Variants in NELL1 observed in about 807,000 individuals in gnomAD.
NELL1 encodes the protein protein kinase C-binding protein NELL1.
A neutral mutation model predicts 107.4 loss-of-function variants in NELL1; 76 were observed. The ratio of observed to expected loss-of-function variants is 0.71; its 90% confidence interval spans 0.59 to 0.86. The LOEUF is 0.86. Among genes scored for constraint, NELL1 ranks in the 40% least tolerant of loss-of-function variants. The pLI, the probability that NELL1 is intolerant of heterozygous loss-of-function variation, is 0.00. For missense variants in NELL1, 1,024 were observed against 1,005.5 expected (o/e 1.02, Z -0.25); for synonymous variants, 353 against 341.2 (o/e 1.03, Z -0.38).
intron 15 of NELL1, among the ~76,000 whole-genome samples, chr11:21,503,748 A>G (rs1013949296): frequency 6.6e-6 from 1 of 152,150 alleles, no homozygotes; most frequent in South Asian, 2.1e-4. Flanking sequence ...CCTGCAAATA[A>G]TGGCTGCATC....
intron 2 of NELL1, among the ~76,000 whole-genome samples, chr11:20,726,608 A>T (rs12363634): frequency 0.12 from 18,239 of 151,620 alleles, 1,201 homozygotes; most frequent in Non-Finnish European, 0.15. Context: ...TTTATTTTTT[A>T]AATTATACTT....
chr11:20,674,585 G>A (rs977903675), intron 1 of NELL1: 81 of 1,454,384 alleles, frequency 5.6e-5, no homozygotes, highest in Non-Finnish European at 6.8e-5. Context: ...AGGTATTAAC[G>A]TTCCTATTTT....
chr11:21,294,160 A>T (rs1423268776), intron 14 of NELL1, among the ~76,000 whole-genome samples: 2 of 152,158 alleles, frequency 1.3e-5, no homozygotes, highest in East Asian at 3.9e-4. Flanking sequence ...GCTTAATCAG[A>T]GGCAACTGTT....
At chr11:21,233,483 G>A (rs1302284750) in intron 14 of NELL1, among the ~76,000 whole-genome samples, 1 of 151,294 alleles carries the variant, frequency 6.6e-6, no homozygotes, top group Non-Finnish European at 1.5e-5. Flanking sequence ...CTCACACATT[G>A]TATTCTAACT....
At chr11:21,133,282 A>G (rs1228255047) in intron 13 of NELL1, among the ~76,000 whole-genome samples, 2 of 152,156 alleles carry the variant, frequency 1.3e-5, no homozygotes, top group Non-Finnish European at 2.9e-5. Flanking sequence ...GAGGAAGTAC[A>G]TGCTGATAGG....
At chr11:20,820,194 G>A (rs1414391341) in intron 3 of NELL1, among the ~76,000 whole-genome samples, 3 of 152,136 alleles carry the variant, frequency 2.0e-5, no homozygotes, top group Non-Finnish European at 4.4e-5. Flanking sequence ...GAACAGTGAT[G>A]TTTTGAAAGC....
At chr11:21,489,750 T>A (rs1031655990) in intron 15 of NELL1, among the ~76,000 whole-genome samples, 3 of 152,138 alleles carry the variant, frequency 2.0e-5, no homozygotes, top group Admixed American at 1.3e-4. Context: ...GTAACATCCC[T>A]TTGTGATAAA....
chr11:20,990,332 T>G (rs1851945342), intron 12 of NELL1, among the ~76,000 whole-genome samples: 1 of 152,190 alleles, frequency 6.6e-6, no homozygotes, highest in South Asian at 2.1e-4. Flanking sequence ...CTCTTACTGC[T>G]GAAGTCTCCT....
At chr11:20,715,233 G>GA (rs1295570126) in intron 2 of NELL1, among the ~76,000 whole-genome samples, 59 of 148,114 alleles carry the variant, frequency 4.0e-4, no homozygotes, top group African/African-American at 1.1e-3. Flanking sequence ...GACAGAGTGA[G>GA]AAAAAAAAAA....
rs1207934738 is a variant in NELL1, at chr11:21,378,240, CTT to C, written c.1645+7296_1645+7297del. On this transcript the variant is annotated intron_variant, in intron 15 of 19. Coordinates refer to ENST00000357134, the MANE Select transcript of NELL1 (RefSeq NM_006157.5). ...GTCTAGATGTAGCATTTTAAAAAGT[CTT>C]TTTAAAAAATATGCATATATATGTA... is the stretch of plus-strand genomic sequence containing the variant. 2.2e-5 allele frequency among the ~76,000 whole-genome samples: 3 copies of C among 137,882 alleles called. No individual in the cohort carries two copies. The Admixed American group carries it at 2.3e-4, about 11-fold the overall frequency. 90.5% of individuals were successfully genotyped at this position (137,882 alleles called of 152,430 possible).
rs188941377 is a variant in NELL1 at position 21,523,243 on chromosome 11, G to C, written c.1646-11131G>C. On this transcript the variant is annotated intron_variant, in intron 15 of 19. Transcript: ENST00000357134. ...TTTCCCCATACTTCTAGTTTAACTT[G>C]TTTGTGCTTCTGTATCAAATACATC... Among the ~76,000 whole-genome samples the C allele has an allele frequency of 1.4e-4, 21 of 152,102 alleles. No individual in the cohort carries two copies. In the East Asian group the frequency reaches 4.1e-3, roughly 29 times the overall value.
At chr11:20,857,232 G>C (rs928035842) in intron 4 of NELL1, among the ~76,000 whole-genome samples, 9 of 152,238 alleles carry the variant, frequency 5.9e-5, no homozygotes, top group African/African-American at 1.7e-4. Context: ...GCAGGCAGCC[G>C]AGATAAAGGC....
chr11:21,268,847 G>A (rs1192660656), intron 14 of NELL1, among the ~76,000 whole-genome samples: 3 of 152,146 alleles, frequency 2.0e-5, no homozygotes, highest in African/African-American at 7.2e-5. Context: ...AATATTGGGA[G>A]TAGACCTGGA....
chr11:21,418,769 A>T (rs982337771), intron 15 of NELL1, among the ~76,000 whole-genome samples: 7 of 152,142 alleles, frequency 4.6e-5, no homozygotes, highest in Non-Finnish European at 8.8e-5. Flanking sequence ...AAGCCATTGC[A>T]TAGTTCAGCT....
At chr11:21,475,010 T>C (rs1412251045) in intron 15 of NELL1, among the ~76,000 whole-genome samples, 1 of 152,132 alleles carries the variant, frequency 6.6e-6, no homozygotes, top group Non-Finnish European at 1.5e-5. Flanking sequence ...TGGAAAGGGA[T>C]CCTTTCAATG....
intron 14 of NELL1, among the ~76,000 whole-genome samples, chr11:21,255,518 C>T (rs927515701): frequency 6.6e-6 from 1 of 151,844 alleles, no homozygotes; most frequent in Non-Finnish European, 1.5e-5. Flanking sequence ...TTCAGGCAAA[C>T]ATCTGGGGGA....
At chr11:20,816,311 A>G (rs1857622765) in intron 3 of NELL1, among the ~76,000 whole-genome samples, 1 of 152,062 alleles carries the variant, frequency 6.6e-6, no homozygotes, top group African/African-American at 2.4e-5. Flanking sequence ...TGTTTGTGTC[A>G]TCTATGATTT....
intron 15 of NELL1, among the ~76,000 whole-genome samples, chr11:21,381,918 T>C (rs1446415943): frequency 7.2e-6 from 1 of 138,586 alleles, no homozygotes; most frequent in Admixed American, 7.1e-5. Flanking sequence ...TTTTTTTTTT[T>C]TTTTTTTTTT....
chr11:20,706,627 A>T (rs1854966221), intron 2 of NELL1, among the ~76,000 whole-genome samples: 1 of 152,052 alleles, frequency 6.6e-6, no homozygotes, highest in Non-Finnish European at 1.5e-5. Context: ...ATATGTAACA[A>T]ACCTGCACGT....
Sources: allele counts gnomAD v4.1 joint callset (sites outside exome capture counted in the v4.1 genomes callset), GRCh38; gene constraint gnomAD v4.1.1; transcripts MANE v1.5; gene names NCBI Gene and HGNC (gene_info 2026-07-23, HGNC 2026-07-21).